The following MX1 variants were observed in gnomAD, a reference collection of about 807,000 sequenced individuals.
MX1 encodes interferon-induced GTP-binding protein Mx1.
MX1 carries 66 observed loss-of-function variants against 66.4 expected under a neutral mutation model. The observed-to-expected ratio is 0.99, with a 90% CI of 0.82 to 1.22. The LOEUF (loss-of-function observed/expected upper bound fraction) is 1.22. MX1 is among the 50% of genes most tolerant of loss of function. MX1 has a pLI of 0.00. For missense variants in MX1, 787 were observed against 834.3 expected (o/e 0.94, Z 0.70); for synonymous variants, 311 against 318.1 (o/e 0.98, Z 0.24).
Position 41,436,005 on chromosome 21 carries a change from G to A in MX1, c.274G>A (p.Gly92Arg). The A allele has an allele frequency of 6.2e-7, 1 of 1,614,216 alleles. No individual in the cohort carries two copies. Among genetic ancestry groups the A allele is most frequent in the South Asian group, 1.1e-5 (1 of 91,084 alleles). The change falls in exon 6 of 17, where the codon GGA becomes AGA. Residue 92 changes from glycine to arginine, a missense_variant. By Grantham distance (125) the Gly-to-Arg change is moderately radical. Transcript: ENST00000398598. ...GAGCTCCGTGTTGGAGGCACTGTCA[G>A]GAGTTGCCCTTCCCAGAGGCAGCGG... ...GKSSVLEALS[G>R]VALPRGSGIV...
chr21:41,449,068 A>C (rs1234272865), intron 13 of MX1, 69 bp from the exon 14 acceptor site: 4 of 1,394,854 alleles, frequency 2.9e-6, no homozygotes, highest in Non-Finnish European at 3.9e-6. Flanking sequence ...TTAGAATGGT[A>C]TTGTGTTTAG....
In MX1 at chr21:41,435,850, A is replaced by G. The variant is rs142036043; in HGVS notation, c.119A>G (p.Asn40Ser). 1.4e-4 allele frequency: 232 copies of G among 1,606,880 alleles called. No homozygotes were observed. The highest frequency in any genetic ancestry group is 1.9e-4 in the Non-Finnish European group (227 of 1,174,362). Reference protein sequence around the residue: ...QKNPGSVAENNLCSQYEEKVR... With the variant: ...QKNPGSVAENSLCSQYEEKVR... The stretch of plus-strand genomic sequence containing the variant: ...TGTTTCCTCCAGGTGGCTGAGAACA[A>G]CCTGTGCAGCCAGTATGAGGAGAAG... The change falls in exon 6 of 17, where the codon AAC becomes AGC. Residue 40 changes from asparagine (N) to serine (S), a missense_variant. Asn to Ser is a conservative substitution (Grantham distance 46). Transcript: ENST00000398598.
intron 13 of MX1, among the ~76,000 whole-genome samples, chr21:41,448,936 G>GCC (rs1304399784): frequency 0.054 from 740 of 13,678 alleles, 21 homozygotes; most frequent in East Asian, 0.32. Flanking sequence ...GGTTTTGTGT[G>GCC]TGTGTGTGTG....
In MX1 at chr21:41,445,555, G is replaced by A. The variant is rs201776469; in HGVS notation, c.1116G>A (p.Met372Ile). The change falls in exon 12 of 17, where the codon ATG becomes ATA. Residue 372 changes from methionine (M) to isoleucine (I), a missense_variant. By Grantham distance (10) the Met-to-Ile change is conservative (BLOSUM62 1). Coordinates refer to ENST00000398598, the MANE Select transcript of MX1 (RefSeq NM_002462.5). Reference protein sequence around the residue: ...VDIPEDENEKMFFLIDKVNAF... With the variant: ...VDIPEDENEKIFFLIDKVNAF... ...TACCGGAAGACGAAAATGAAAAAATGTTCTTCCTGATAGATGTGAGTGTTG... is the reference window on the plus strand; with the variant it reads ...TACCGGAAGACGAAAATGAAAAAATATTCTTCCTGATAGATGTGAGTGTTG... 4.3e-6 allele frequency: 7 copies of A among 1,614,018 alleles called. No individual in the cohort carries two copies. Among genetic ancestry groups the A allele is most frequent in the Non-Finnish European group, 5.9e-6 (7 of 1,180,002 alleles).
chr21:41,425,356 G>A (rs751255961), upstream of MX1, among the ~76,000 whole-genome samples: 8 of 152,196 alleles, frequency 5.3e-5, no homozygotes, highest in Admixed American at 6.5e-5. Context: ...ATTCTCAAGG[G>A]TGGGGAGAAT....
intron 2 of MX1, among the ~76,000 whole-genome samples, 158 bp from the exon 3 acceptor site, chr21:41,427,597 G>A (rs987598420): frequency 6.6e-6 from 1 of 152,184 alleles, no homozygotes; most frequent in Non-Finnish European, 1.5e-5. Flanking sequence ...TTCCTAGAAC[G>A]TAGGCAGTAG....
intron 16 of MX1, among the ~76,000 whole-genome samples, chr21:41,456,341 G>T (rs1361008167): frequency 1.3e-5 from 2 of 152,222 alleles, no homozygotes; most frequent in African/African-American, 4.8e-5. Context: ...GCCATTTTGG[G>T]AGCTGGCAAG....
intron 13 of MX1, among the ~76,000 whole-genome samples, chr21:41,447,040 G>T (rs1157302224): frequency 1.3e-5 from 2 of 152,172 alleles, no homozygotes; most frequent in Non-Finnish European, 2.9e-5. Flanking sequence ...GTGTGTAGCG[G>T]TTGGCTTTGG....
At chr21:41,435,214 C>A (rs2090326322) in intron 5 of MX1, among the ~76,000 whole-genome samples, 1 of 152,190 alleles carries the variant, frequency 6.6e-6, no homozygotes, top group Non-Finnish European at 1.5e-5. Context: ...TGGTTTTGAG[C>A]AATTTGACCC....
chr21:41,457,404 G>A (rs184711772), intron 16 of MX1, among the ~76,000 whole-genome samples: 2 of 152,328 alleles, frequency 1.3e-5, no homozygotes, highest in Admixed American at 1.3e-4. Flanking sequence ...GATGATAAAT[G>A]AGGTGGACAA....
At chr21:41,440,778 A>G in intron 8 of MX1, 109 bp from the exon 9 acceptor site, 3 of 1,295,450 alleles carry the variant, frequency 2.3e-6, no homozygotes, top group South Asian at 1.2e-5. Flanking sequence ...TTTTGGGGGA[A>G]ATACCCCTGG....
rs752332568 is a variant in MX1, at chr21:41,435,982, G to C, written c.251G>C (p.Ser84Thr). Residue 84 changes from serine (S) to threonine (T), a missense_variant, in exon 6 of 17, where the codon AGC (serine) becomes ACC (threonine). Coordinates refer to ENST00000398598, the MANE Select transcript of MX1 (RefSeq NM_002462.5). ...ATCGGGGACCAGAGCTCGGGCAAGA[G>C]CTCCGTGTTGGAGGCACTGTCAGGA... ...AVIGDQSSGK[S>T]SVLEALSGVA... The C allele has an allele frequency of 1.5e-5, 25 of 1,614,254 alleles. No individual in the cohort carries two copies. In the Middle Eastern group the frequency reaches 9.9e-4, roughly 64 times the overall value.
At position 41,439,810 on chromosome 21, in the gene MX1, G is replaced by C. The variant is rs751627642; in HGVS notation, c.553G>C (p.Val185Leu). The change falls in exon 8 of 17, where the codon GTG (valine) becomes CTG (leucine). Residue 185 changes from valine to leucine, a missense_variant. Physicochemically the swap from Val to Leu is conservative, Grantham distance 32. Transcript: ENST00000398598. ...TLIDLPGITRVAVGNQPADIG... is the reference protein window; with the variant it reads ...TLIDLPGITRLAVGNQPADIG... The stretch of plus-strand genomic sequence containing the variant: ...AATAGACCTTCCTGGCATAACCAGA[G>C]TGGCTGTGGGCAATCAGCCTGCTGA... The C allele has an allele frequency of 6.2e-7, 1 of 1,613,964 alleles. No homozygotes were observed. Among genetic ancestry groups the C allele is most frequent in the Non-Finnish European group, 8.5e-7 (1 of 1,180,008 alleles).
intron 15 of MX1, among the ~76,000 whole-genome samples, 176 bp from the exon 16 acceptor site, chr21:41,452,445 C>T (rs935485391): frequency 5.9e-5 from 9 of 152,196 alleles, no homozygotes; most frequent in African/African-American, 1.9e-4. Flanking sequence ...TGACCCTCAG[C>T]CAGGGCTAGA....
At chr21:41,423,279 A>C (rs957571279), upstream of MX1, 1 of 152,362 alleles carries the variant, frequency 6.6e-6, no homozygotes, top group Non-Finnish European at 1.5e-5. Flanking sequence ...GCAGTGGTGG[A>C]TGGCAAGCGA....
intron 12 of MX1, 62 bp from the exon 13 acceptor site, chr21:41,445,938 A>C: frequency 6.3e-7 from 1 of 1,591,960 alleles, no homozygotes; most frequent in South Asian, 1.1e-5. Context: ...ACGGCCTCCA[A>C]ATGACCTTGA....
Position 41,441,810 on chromosome 21 carries a change from C to T in MX1, c.825C>T (p.Tyr275=), listed in dbSNP as rs2090522898. ...RNLVFHLKKG[Y]MIVKCRGQQE... ...TCGTGTTCCACCTGAAGAAGGGTTACATGATTGTCAAGTGCCGGGGCCAGC... is the reference window on the plus strand; with the variant it reads ...TCGTGTTCCACCTGAAGAAGGGTTATATGATTGTCAAGTGCCGGGGCCAGC... The change falls in exon 10 of 17, where the codon TAC becomes TAT. Residue 275 remains tyrosine (Y), a synonymous_variant. Coordinates refer to ENST00000398598, the MANE Select transcript of MX1 (RefSeq NM_002462.5). The surrounding 1 kb of genome is among the most constrained non-coding windows in gnomAD (Gnocchi z 4.0). The T allele has an allele frequency of 6.2e-7, 1 of 1,614,074 alleles. No homozygotes were observed. Among genetic ancestry groups the T allele is most frequent in the South Asian group, 1.1e-5 (1 of 91,088 alleles).
chr21:41,430,378 A>G (rs1277482278), intron 3 of MX1, among the ~76,000 whole-genome samples, 155 bp from the exon 4 acceptor site: 1 of 151,272 alleles, frequency 6.6e-6, no homozygotes, highest in African/African-American at 2.4e-5. Flanking sequence ...TAGTCAAAAC[A>G]TAGGAAAAGG....
In MX1 at chr21:41,441,926, T is replaced by C; in HGVS notation, c.929+12T>C. On this transcript the variant is annotated intron_variant, in intron 10 of 16. Transcript: ENST00000398598. This position sits in a 1 kb window ranked among gnomAD's most constrained non-coding sequence, Gnocchi z 4.0. ...CACCCATATTTCAGGTGCGCTTGCC[T>C]GGGTTTCATCATGGATCAGTCCAAG... The C allele has an allele frequency of 4.3e-6, 7 of 1,613,928 alleles. No homozygotes were observed. The highest frequency in any genetic ancestry group is 5.9e-6 in the Non-Finnish European group (7 of 1,179,926).
Sources: gnomAD v4.1 joint callset for allele counts (sites outside exome capture counted in the v4.1 genomes callset) on GRCh38, gnomAD v4.1.1 for gene constraint, Gnocchi (gnomAD v3.1) non-coding constraint, MANE v1.5 for transcripts, NCBI Gene and HGNC (gene_info 2026-07-23, HGNC 2026-07-21) for gene names.